Variants in FER observed in about 807,000 individuals in gnomAD.
FER encodes the protein FER tyrosine kinase.
Under a neutral mutation model 111.0 loss-of-function variants are expected in FER, and 63 were observed. That is an observed-to-expected ratio of 0.57 (90% CI 0.46 to 0.70). The LOEUF (loss-of-function observed/expected upper bound fraction) is 0.70, where lower values mean the gene tolerates loss of function less well. FER is among the 30% of genes least tolerant of loss of function. The probability of loss-of-function intolerance (pLI) is 0.00; values close to 1 mark genes in which losing one functional copy is unlikely to be tolerated. For missense variants in FER, 914 were observed against 954.0 expected (o/e 0.96, Z 0.55); for synonymous variants, 327 against 313.9 (o/e 1.04, Z -0.44).
chr5:109,084,899 T>C (rs1033151035), intron 16 of FER, among the ~76,000 whole-genome samples: 3 of 151,900 alleles, frequency 2.0e-5, no homozygotes, highest in Non-Finnish European at 2.9e-5. Flanking sequence ...TATAAATGAA[T>C]TGTGGGTCAT....
chr5:108,789,690 C>T (rs1157268541), intron 2 of FER, among the ~76,000 whole-genome samples: 4 of 151,946 alleles, frequency 2.6e-5, no homozygotes, highest in African/African-American at 7.3e-5. Flanking sequence ...GCAACCTCCG[C>T]TTCCCAGGTT....
chr5:108,950,974 A>T (rs1037021399), intron 11 of FER, among the ~76,000 whole-genome samples: 3 of 152,126 alleles, frequency 2.0e-5, no homozygotes, highest in African/African-American at 4.8e-5. Context: ...AATTAAAAAA[A>T]AAATAAATTT....
At chr5:108,970,809 A>G (rs1205004135) in intron 13 of FER, among the ~76,000 whole-genome samples, 2 of 152,156 alleles carry the variant, frequency 1.3e-5, no homozygotes, top group Non-Finnish European at 2.9e-5. Context: ...GTCAGGCAAG[A>G]TCAGTTTGAC....
chr5:109,189,174 T>C lies in FER; in HGVS notation c.*1599T>C, dbSNP rs1459238284. ...CTAGGATTCTGTATCTTAACTCTTA[T>C]CTAGGGAACTTACTTACTTACCCCA... On this transcript the variant is annotated 3_prime_UTR_variant, in exon 20 of 20. Transcript: ENST00000281092. 6.9e-6 allele frequency: 1 copy of C among 145,032 alleles called. No individual in the cohort carries two copies. Among genetic ancestry groups the C allele is most frequent in the Non-Finnish European group, 1.5e-5 (1 of 64,704 alleles). The allele number at this position is 145,032 out of a possible 1,614,324, so 9.0% of individuals were successfully genotyped here.
intron 8 of FER, 75 bp from the exon 9 acceptor site, chr5:108,883,321 G>A (rs910448022): frequency 3.0e-5 from 42 of 1,378,392 alleles, no homozygotes; most frequent in Non-Finnish European, 3.7e-5. Flanking sequence ...AACATAAGAT[G>A]TATGAATACT....
rs185534847 is a variant in FER, at chr5:109,015,472, C to G, written c.1657-21950C>G. Among the ~76,000 whole-genome samples the G allele has an allele frequency of 1.4e-4, 22 of 151,954 alleles. No individual in the cohort carries two copies. In the East Asian group the frequency reaches 3.5e-3, roughly 24 times the overall value. ...TTTCATGCCACATTAACTGAATGCC[C>G]ATTATGTGACAGCTTCTTGATACAC... On this transcript the variant is annotated intron_variant, in intron 13 of 19. Transcript: ENST00000281092.
intron 16 of FER, among the ~76,000 whole-genome samples, chr5:109,080,060 A>ACC (rs1776813495): frequency 1.3e-5 from 2 of 151,440 alleles, no homozygotes; most frequent in South Asian, 4.2e-4. Flanking sequence ...CCCATGGTTA[A>ACC]ATGAATAAAG....
chr5:108,842,025 A>G (rs1761321454), intron 5 of FER, among the ~76,000 whole-genome samples: 1 of 152,202 alleles, frequency 6.6e-6, no homozygotes, highest in Non-Finnish European at 1.5e-5. Context: ...TTGTTATATT[A>G]TAGCTTTGAT....
intron 10 of FER, among the ~76,000 whole-genome samples, chr5:108,922,259 G>A (rs530563174): frequency 6.6e-6 from 1 of 152,220 alleles, no homozygotes; most frequent in African/African-American, 2.4e-5. Flanking sequence ...GAAGTCACCC[G>A]ATTTCTGGTA....
At chr5:109,022,124 A>T (rs148447250) in intron 13 of FER, among the ~76,000 whole-genome samples, 17 of 152,220 alleles carry the variant, frequency 1.1e-4, no homozygotes, top group South Asian at 2.1e-4. Flanking sequence ...ATATGTGCCC[A>T]TATACAGTCC....
At chr5:109,175,783 A>C (rs185143575) in intron 17 of FER, among the ~76,000 whole-genome samples, 37 of 152,342 alleles carry the variant, frequency 2.4e-4, no homozygotes, top group African/African-American at 8.9e-4. Context: ...TCAAAACCAC[A>C]GTGGGATACC....
At chr5:108,751,815 T>C (rs867677587) in intron 1 of FER, among the ~76,000 whole-genome samples, 11 of 152,144 alleles carry the variant, frequency 7.2e-5, no homozygotes, top group African/African-American at 2.4e-4. Flanking sequence ...AAAACTTCAA[T>C]TTATAGTAAA....
chr5:109,180,740 AACCTAGGG>A lies in FER; in HGVS notation c.2049-2_2054del. ...ATAGGCGTTTTCTGTGTCTTACTGT[AACCTAGGG>A]ACCTTGCTGCAAGAAACTGCCTGGT... On this transcript the variant is annotated splice_acceptor_variant and splice_polypyrimidine_tract_variant and coding_sequence_variant and intron_variant, in exon 18 of 20. Coordinates refer to ENST00000281092, the MANE Select transcript of FER (RefSeq NM_005246.4). LOFTEE classifies it high-confidence loss of function. 1 of 1,602,722 alleles carries A rather than the reference AACCTAGGG, an allele frequency of 6.2e-7. No individual in the cohort carries two copies. The highest frequency in any genetic ancestry group is 8.5e-7 in the Non-Finnish European group (1 of 1,176,576).
intron 8 of FER, among the ~76,000 whole-genome samples, chr5:108,878,103 C>CA (rs1765275539): frequency 6.6e-6 from 1 of 152,016 alleles, no homozygotes; most frequent in Non-Finnish European, 1.5e-5. Context: ...GATGGGGTTT[C>CA]ACCATGTTGG....
intron 16 of FER, among the ~76,000 whole-genome samples, chr5:109,060,760 G>A (rs1774292059): frequency 8.5e-6 from 1 of 117,944 alleles, no homozygotes; most frequent in African/African-American, 3.0e-5. Context: ...CGTATGTGTG[G>A]TGTGTGTGTG....
chr5:109,032,823 A>T (rs1327284879), intron 13 of FER, among the ~76,000 whole-genome samples: 1 of 152,214 alleles, frequency 6.6e-6, no homozygotes, highest in Non-Finnish European at 1.5e-5. Flanking sequence ...AAGAGAATTG[A>T]TAAATAGGAA....
chr5:108,934,880 C>G (rs1755236925), intron 10 of FER, among the ~76,000 whole-genome samples: 1 of 151,940 alleles, frequency 6.6e-6, no homozygotes, highest in African/African-American at 2.4e-5. Flanking sequence ...GTTCTAAAAA[C>G]TGGATGGGAA....
intron 17 of FER, among the ~76,000 whole-genome samples, chr5:109,169,899 AAAG>A (rs1483303892): frequency 6.6e-6 from 1 of 152,198 alleles, no homozygotes; most frequent in Non-Finnish European, 1.5e-5. Context: ...TCCCTTGTAC[AAAG>A]AAGAAAATCT....
intron 18 of FER, among the ~76,000 whole-genome samples, chr5:109,181,418 A>G (rs1332429787): frequency 6.6e-6 from 1 of 152,144 alleles, no homozygotes; most frequent in Non-Finnish European, 1.5e-5. Flanking sequence ...TTTCACTTGA[A>G]TTTTTATGCG....
Sources: gnomAD v4.1 joint callset for allele counts (sites outside exome capture counted in the v4.1 genomes callset) on GRCh38, gnomAD v4.1.1 for gene constraint, MANE v1.5 for transcripts, NCBI Gene and HGNC (gene_info 2026-07-23, HGNC 2026-07-21) for gene names.